Variants in FRAS1 observed in about 807,000 individuals in gnomAD.
FRAS1 encodes the protein extracellular matrix organizing protein FRAS1.
A neutral mutation model predicts 435.2 loss-of-function variants in FRAS1; 290 were observed. The observed-to-expected ratio is 0.67, with a 90% CI of 0.61 to 0.73. FRAS1 has a LOEUF of 0.73. Ranked by LOEUF, FRAS1 falls within the 30% of genes least tolerant of loss-of-function variation. The pLI is 0.00. For synonymous variants in FRAS1, 1,800 were observed against 1,851.0 expected (o/e 0.97, Z 0.71); for missense variants, 4,860 against 5,001.5 (o/e 0.97, Z 0.85).
chr4:78,381,143 C>G (rs1465131660), intron 27 of FRAS1, among the ~76,000 whole-genome samples: 1 of 152,126 alleles, frequency 6.6e-6, no homozygotes, highest in Non-Finnish European at 1.5e-5. Flanking sequence ...ATTTCTGCCT[C>G]CCTAATATAC....
intron 2 of FRAS1, among the ~76,000 whole-genome samples, chr4:78,087,094 T>C (rs904500675): frequency 2.0e-5 from 3 of 152,160 alleles, no homozygotes; most frequent in African/African-American, 4.8e-5. Flanking sequence ...GTGGGCTTCA[T>C]CCCTGGGATG....
chr4:78,278,770 A>G (rs899935089), intron 10 of FRAS1, 26 bp downstream of exon 10: 1 of 1,281,816 alleles, frequency 7.8e-7, no homozygotes, highest in South Asian at 1.2e-5. Flanking sequence ...ATAACCGAAG[A>G]TGATTTCAAA....
intron 35 of FRAS1, among the ~76,000 whole-genome samples, chr4:78,427,771 C>T (rs1299330563): frequency 6.6e-6 from 1 of 152,146 alleles, no homozygotes; most frequent in Non-Finnish European, 1.5e-5. Context: ...ATGGAGTGTA[C>T]CTTATAAAAT....
chr4:78,265,018 T>C lies in FRAS1; in HGVS notation c.604-7T>C, dbSNP rs530372907. The C allele has an allele frequency of 3.2e-6, 5 of 1,574,536 alleles. No homozygotes were observed. The highest frequency in any genetic ancestry group is 1.3e-5 in the African/African-American group (1 of 74,276). On this transcript the variant is annotated splice_region_variant and splice_polypyrimidine_tract_variant and intron_variant, in intron 6 of 73. Transcript: ENST00000512123. ...TGTGATGGATTGTTCCTGTTCTGCG[T>C]GTTAAGGATGAGACTGTAGTCCGAG...
At chr4:78,101,803 G>T (rs1285800447) in intron 2 of FRAS1, among the ~76,000 whole-genome samples, 1 of 152,206 alleles carries the variant, frequency 6.6e-6, no homozygotes, top group Non-Finnish European at 1.5e-5. Flanking sequence ...TTCTGGCAGA[G>T]CATGAAGAGC....
At chr4:78,522,899 C>T in intron 69 of FRAS1, 91 bp downstream of exon 69, 8 of 1,147,112 alleles carry the variant, frequency 7.0e-6, no homozygotes, top group Non-Finnish European at 9.5e-6. Context: ...CCTCTGAAGG[C>T]TAGACTTTTA....
At chr4:78,373,208 C>G (rs1454956833) in intron 24 of FRAS1, among the ~76,000 whole-genome samples, 1 of 151,902 alleles carries the variant, frequency 6.6e-6, no homozygotes, top group Non-Finnish European at 1.5e-5. Context: ...ATAGGAAGAC[C>G]CGATTATTTC....
intron 3 of FRAS1, among the ~76,000 whole-genome samples, chr4:78,240,397 A>G (rs1453054102): frequency 1.3e-5 from 2 of 152,072 alleles, no homozygotes; most frequent in Non-Finnish European, 2.9e-5. Flanking sequence ...TAGGGGATAA[A>G]TCAGCAGAAC....
chr4:78,258,246 TG>T (rs1725882561), intron 6 of FRAS1, among the ~76,000 whole-genome samples: 1 of 150,788 alleles, frequency 6.6e-6, no homozygotes. Flanking sequence ...GAGGCTGAGG[TG>T]GGAGGATCTC....
chr4:78,374,538 A>G (rs934492220), intron 25 of FRAS1, among the ~76,000 whole-genome samples: 4 of 152,250 alleles, frequency 2.6e-5, no homozygotes, highest in Non-Finnish European at 5.9e-5. Flanking sequence ...ATTGATCTAC[A>G]GTGAGGGATC....
Position 78,445,606 on chromosome 4 carries a change from T to A in FRAS1, c.5750T>A (p.Phe1917Tyr), listed in dbSNP as rs186955562. 30 of 1,613,804 alleles carry A rather than the reference T, an allele frequency of 1.9e-5. No individual in the cohort carries two copies. In the African/African-American group the frequency reaches 3.3e-4, roughly 18 times the overall value. Residue 1917 changes from phenylalanine (F) to tyrosine (Y), a missense_variant, in exon 42 of 74, where the codon TTT (phenylalanine) becomes TAT (tyrosine). Physicochemically the swap from Phe to Tyr is conservative, Grantham distance 22. Coordinates refer to ENST00000512123, the MANE Select transcript of FRAS1 (RefSeq NM_025074.7). Reference protein sequence around the residue: ...QDVLENYIYYFQSVHESIEPT... With the variant: ...QDVLENYIYYYQSVHESIEPT... ...GTCCTGGAAAACTACATTTACTACT[T>A]TCAGAGTGTTCATGAAAGCATTGAG... is the stretch of plus-strand genomic sequence containing the variant.
chr4:78,091,228 A>G (rs1265893773), intron 2 of FRAS1, among the ~76,000 whole-genome samples: 1 of 151,736 alleles, frequency 6.6e-6, no homozygotes, highest in Non-Finnish European at 1.5e-5. Context: ...TGTAGCTTTT[A>G]TATATTTAGG....
intron 14 of FRAS1, among the ~76,000 whole-genome samples, chr4:78,302,728 T>G (rs1459258955): frequency 6.6e-6 from 1 of 152,190 alleles, no homozygotes; most frequent in Non-Finnish European, 1.5e-5. Flanking sequence ...TGTAAATTTG[T>G]TTGAGTTCAT....
intron 29 of FRAS1, among the ~76,000 whole-genome samples, chr4:78,395,579 G>A (rs1732624918): frequency 6.6e-6 from 1 of 151,896 alleles, no homozygotes; most frequent in Admixed American, 6.6e-5. Context: ...TATTATATCT[G>A]CTAGATGGAT....
intron 59 of FRAS1, among the ~76,000 whole-genome samples, chr4:78,489,967 AC>A (rs1387155633): frequency 1.0e-4 from 14 of 135,658 alleles, no homozygotes; most frequent in African/African-American, 3.3e-4. Context: ...CTAGTGGAAA[AC>A]AAAAAAAAAA....
Position 78,478,044 on chromosome 4 carries a change from C to T in FRAS1, c.8081C>T (p.Ala2694Val). 5 of 1,569,434 alleles carry T rather than the reference C, an allele frequency of 3.2e-6. No homozygotes were observed. The highest frequency in any genetic ancestry group is 4.3e-6 in the Non-Finnish European group (5 of 1,156,262). ...AACGAGAGCGCTGGTTTTCTGTTTGCACCTATTGAAAGAAAAGGTCTGTTG... is the reference window on the plus strand; with the variant it reads ...AACGAGAGCGCTGGTTTTCTGTTTGTACCTATTGAAAGAAAAGGTCTGTTG... ...WVNESAGFLF[A>V]PIERKGDASS... The change falls in exon 55 of 74, where the codon GCA (alanine) becomes GTA (valine). Residue 2694 changes from alanine (A) to valine (V), a missense_variant. Physicochemically the swap from Ala to Val is moderately conservative, Grantham distance 64 (BLOSUM62 0). Coordinates refer to ENST00000512123, the MANE Select transcript of FRAS1 (RefSeq NM_025074.7).
intron 60 of FRAS1, among the ~76,000 whole-genome samples, chr4:78,497,952 A>G (rs1342593128): frequency 1.3e-5 from 2 of 152,226 alleles, no homozygotes; most frequent in Admixed American, 6.5e-5. Context: ...TGAGACTCAG[A>G]CAAATAAGAT....
intron 26 of FRAS1, among the ~76,000 whole-genome samples, chr4:78,378,039 C>G (rs1402945713): frequency 6.6e-6 from 1 of 152,100 alleles, no homozygotes; most frequent in Non-Finnish European, 1.5e-5. Flanking sequence ...TTTCATCACT[C>G]TAAAAGGAAA....
At chr4:78,527,244 C>G (rs189152906) in intron 70 of FRAS1, among the ~76,000 whole-genome samples, 1 of 152,240 alleles carries the variant, frequency 6.6e-6, no homozygotes, top group African/African-American at 2.4e-5. Context: ...TAGAGCATAA[C>G]AATTGTGAAT....
Sources: gnomAD v4.1 joint callset for allele counts (sites outside exome capture counted in the v4.1 genomes callset) on GRCh38, gnomAD v4.1.1 for gene constraint, MANE v1.5 for transcripts, NCBI Gene and HGNC (gene_info 2026-07-23, HGNC 2026-07-21) for gene names.